The following TOX2 variants were observed in gnomAD, a reference collection of about 807,000 sequenced individuals.
TOX2 encodes the protein granulosa cell HMG box 1.
TOX2 carries 15 observed loss-of-function variants against 47.4 expected under a neutral mutation model. The ratio of observed to expected loss-of-function variants is 0.32; its 90% CI spans 0.21 to 0.49. TOX2 has a LOEUF of 0.49. TOX2 is among the 20% of genes least tolerant of loss of function. The pLI is 0.99. For missense variants in TOX2, 622 were observed against 673.1 expected, an observed-to-expected ratio of 0.92 and a Z score of 0.84; for synonymous variants, 290 against 296.6, an observed-to-expected ratio of 0.98 and a Z score of 0.23.
chr20:43,919,173 A>T (rs2069087477), intron 1 of TOX2, among the ~76,000 whole-genome samples: 1 of 152,210 alleles, frequency 6.6e-6, no homozygotes, highest in Non-Finnish European at 1.5e-5. Flanking sequence ...ATGTTCTGCC[A>T]TCCATCATTC....
intron 2 of TOX2, among the ~76,000 whole-genome samples, chr20:43,983,369 C>G (rs1360122676): frequency 3.3e-5 from 5 of 152,148 alleles, no homozygotes. Flanking sequence ...CCCAAGTTTG[C>G]CTGGTCTGTT....
intron 1 of TOX2, among the ~76,000 whole-genome samples, chr20:43,933,944 C>T (rs1343882813): frequency 6.6e-6 from 1 of 152,000 alleles, no homozygotes; most frequent in Non-Finnish European, 1.5e-5. Context: ...ACTCGGGCTC[C>T]GATGTGGACT....
At chr20:43,973,769 C>T (rs1183165216) in intron 2 of TOX2, among the ~76,000 whole-genome samples, 1 of 152,192 alleles carries the variant, frequency 6.6e-6, no homozygotes, top group Non-Finnish European at 1.5e-5. Context: ...CTGCCTCTTG[C>T]CACCACACAG....
intron 4 of TOX2, among the ~76,000 whole-genome samples, chr20:44,053,437 T>TAC (rs1447650799): frequency 5.8e-4 from 39 of 67,170 alleles, no homozygotes; most frequent in South Asian, 4.9e-3. Flanking sequence ...AGGGCAGATA[T>TAC]ATACACACAC....
At chr20:44,014,042 A>C (rs1379646138) in intron 3 of TOX2, among the ~76,000 whole-genome samples, 1 of 147,046 alleles carries the variant, frequency 6.8e-6, no homozygotes, top group African/African-American at 2.5e-5. Flanking sequence ...AAGCAAGAGA[A>C]TCACTTGGAC....
intron 1 of TOX2, among the ~76,000 whole-genome samples, chr20:43,946,512 A>G (rs756287661): frequency 3.3e-5 from 5 of 152,202 alleles, no homozygotes; most frequent in Non-Finnish European, 7.3e-5. Context: ...GTCACCAGGA[A>G]TACCCGAGCT....
At chr20:44,039,000 A>G (rs971000856) in intron 3 of TOX2, 124 of 1,206,586 alleles carry the variant, frequency 1.0e-4, no homozygotes, top group Non-Finnish European at 1.2e-4. Context: ...GAGCGTGGCC[A>G]TATGTTTCCA....
chr20:44,065,586 A>G (rs2071798675), intron 6 of TOX2, 126 bp from the exon 7 acceptor site: 7 of 1,170,486 alleles, frequency 6.0e-6, no homozygotes, highest in Non-Finnish European at 8.5e-6. Flanking sequence ...TGGTTAGTCC[A>G]AGCTCTCTCC....
At chr20:43,962,820 G>A (rs1463696058) in intron 1 of TOX2, among the ~76,000 whole-genome samples, 1 of 152,106 alleles carries the variant, frequency 6.6e-6, no homozygotes, top group Non-Finnish European at 1.5e-5. Context: ...ATACAATGCA[G>A]GCCACATACA....
chr20:44,061,388 G>A (rs1024173146), intron 5 of TOX2, among the ~76,000 whole-genome samples: 12 of 152,010 alleles, frequency 7.9e-5, no homozygotes, highest in African/African-American at 2.4e-4. Context: ...AACCAGGAAA[G>A]GACATAACAA....
intron 3 of TOX2, among the ~76,000 whole-genome samples, chr20:44,010,899 G>T (rs1479120998): frequency 1.3e-5 from 2 of 152,160 alleles, no homozygotes; most frequent in Non-Finnish European, 2.9e-5. Context: ...TCCAGAAGCA[G>T]TCTCCTTGGG....
chr20:43,972,430 A>G (rs1232785057), intron 1 of TOX2, among the ~76,000 whole-genome samples: 1 of 152,190 alleles, frequency 6.6e-6, no homozygotes, highest in Non-Finnish European at 1.5e-5. Flanking sequence ...CCCAAGGAGT[A>G]CTTTCTTAAT....
chr20:43,976,414 G>C (rs1346137301), intron 2 of TOX2, among the ~76,000 whole-genome samples: 2 of 152,178 alleles, frequency 1.3e-5, no homozygotes, highest in Non-Finnish European at 2.9e-5. Flanking sequence ...AGAGCAGCAA[G>C]AGCAGAAATT....
chr20:43,922,260 T>G (rs1298630501), intron 1 of TOX2, among the ~76,000 whole-genome samples: 2 of 152,112 alleles, frequency 1.3e-5, no homozygotes, highest in African/African-American at 4.8e-5. Flanking sequence ...GTTGTGGGAG[T>G]TGCTGCATGC....
chr20:43,953,581 G>T (rs529721577), intron 1 of TOX2, among the ~76,000 whole-genome samples: 14 of 152,218 alleles, frequency 9.2e-5, no homozygotes, highest in Non-Finnish European at 2.1e-4. Flanking sequence ...CAGGCTGGTG[G>T]CAAGGTCAGT....
chr20:44,059,046 A>G (rs1275732839), intron 5 of TOX2, among the ~76,000 whole-genome samples: 2 of 152,254 alleles, frequency 1.3e-5, no homozygotes, highest in African/African-American at 2.4e-5. Flanking sequence ...GAATTGCCAG[A>G]AAAAGAATTC....
intron 3 of TOX2, among the ~76,000 whole-genome samples, chr20:44,009,755 C>A (rs1433393720): frequency 6.6e-6 from 1 of 152,176 alleles, no homozygotes; most frequent in African/African-American, 2.4e-5. Flanking sequence ...TGCTCCGGAC[C>A]ATCCCTGTTT....
chr20:43,931,627 AAGAGCAGTGGGAGTCCTGG>A (rs1240257498), intron 1 of TOX2, among the ~76,000 whole-genome samples: 12 of 152,264 alleles, frequency 7.9e-5, no homozygotes, highest in Middle Eastern at 3.4e-3. Context: ...ACGTTGACTT[AAGAGCAGTGGGAGTCCTGG>A]AGGTGTGCTG....
chr20:43,979,236 A>T (rs565152744), intron 2 of TOX2, among the ~76,000 whole-genome samples: 61 of 152,240 alleles, frequency 4.0e-4, no homozygotes, highest in Non-Finnish European at 8.1e-4. Context: ...GGAAATCTTC[A>T]GCCCATGATA....
Sources: allele counts gnomAD v4.1 joint callset (sites outside exome capture counted in the v4.1 genomes callset), GRCh38; gene constraint gnomAD v4.1.1; transcripts MANE v1.5; gene names NCBI Gene and HGNC (gene_info 2026-07-23, HGNC 2026-07-21).